The following PDCD7 variants were observed in gnomAD, a reference collection of about 807,000 sequenced individuals.
PDCD7 encodes the protein programmed cell death protein 7.
Under a neutral mutation model 42.1 loss-of-function variants are expected in PDCD7, and 40 were observed. The ratio of observed to expected loss-of-function variants is 0.95; its 90% CI spans 0.74 to 1.24. The LOEUF (loss-of-function observed/expected upper bound fraction) is 1.24, where lower values mean the gene tolerates loss of function less well. Among genes scored for constraint, PDCD7 ranks in the 50% most tolerant of loss-of-function variants. The pLI, the probability that PDCD7 is intolerant of heterozygous loss-of-function variation, is 0.00. For missense variants in PDCD7, 644 were observed against 662.8 expected (o/e 0.97, Z 0.31); for synonymous variants, 299 against 303.3 (o/e 0.99, Z 0.15).
chr15:65,132,891 A>G (rs771241959), intron 1 of PDCD7, 21 bp downstream of exon 1: 2 of 1,600,724 alleles, frequency 1.2e-6, no homozygotes, highest in Admixed American at 1.7e-5. Context: ...TCCTACCCCC[A>G]TGAGCGGCCG....
chr15:65,126,614 TGTG>T (rs2087498239), intron 2 of PDCD7, among the ~76,000 whole-genome samples: 1 of 152,134 alleles, frequency 6.6e-6, no homozygotes, highest in African/African-American at 2.4e-5. Context: ...ATTAGCCAGG[TGTG>T]GTGGTGTGCA....
rs2140576645 is a variant in PDCD7, at chr15:65,118,016, T to C, written c.*701A>G. On this transcript the variant is annotated 3_prime_UTR_variant, in exon 5 of 5. Coordinates refer to ENST00000204549, the MANE Select transcript of PDCD7 (RefSeq NM_005707.2). ...CCCTTAGAAACTTAAAAATAACAGG[T>C]GCTTTCATTAGGATCCTTCTAACAT... 6.6e-6 allele frequency: 1 copy of C among 152,282 alleles called. No homozygotes were observed. The highest frequency in any genetic ancestry group is 2.4e-5 in the African/African-American group (1 of 41,560). The allele number at this position is 152,282 out of a possible 1,614,324, so 9.4% of individuals were successfully genotyped here. A position where few individuals can be genotyped will look rare whatever the true frequency, so the allele number is the denominator to read the frequency against.
chr15:65,133,227 C>T lies in PDCD7; in HGVS notation c.555G>A (p.Val185=). ...CCTGGCTCAGGCCGCGCAGCCGCCG[C>T]ACCAGGCGCAGAGCCCGGAGCAATC... ...RARLLRALRL[V]RRLRGLSQAL... is the part of the protein sequence containing the mutation. The change falls in exon 1 of 5, where the codon GTG becomes GTA. Residue 185 remains valine (V), a synonymous_variant. Coordinates refer to ENST00000204549, the MANE Select transcript of PDCD7 (RefSeq NM_005707.2). The T allele has an allele frequency of 2.2e-6, 3 of 1,379,772 alleles. No individual in the cohort carries two copies. Among genetic ancestry groups the T allele is most frequent in the Non-Finnish European group, 2.8e-6 (3 of 1,076,332 alleles). The allele number at this position is 1,379,772 out of a possible 1,614,324, so 85.5% of individuals were successfully genotyped here.
Position 65,133,241 on chromosome 15 carries a change from C to G in PDCD7, c.541G>C (p.Ala181Pro). The change falls in exon 1 of 5, where the codon GCT (alanine) becomes CCT (proline). Residue 181 changes from alanine (A) to proline (P), a missense_variant. Physicochemically the swap from Ala to Pro is conservative, Grantham distance 27 (BLOSUM62 -1). Transcript: ENST00000204549. ...CGCAGCCGCCGCACCAGGCGCAGAGCCCGGAGCAATCGCGCGCGCACTTCG... is the reference window on the plus strand; with the variant it reads ...CGCAGCCGCCGCACCAGGCGCAGAGGCCGGAGCAATCGCGCGCGCACTTCG... ...LGEVRARLLR[A>P]LRLVRRLRGL... 1.1e-5 allele frequency: 15 copies of G among 1,366,076 alleles called. No homozygotes were observed. The highest frequency in any genetic ancestry group is 1.3e-5 in the Non-Finnish European group (14 of 1,068,264). 84.6% of individuals were successfully genotyped at this position (1,366,076 alleles called of 1,614,324 possible).
intron 1 of PDCD7, 106 bp downstream of exon 1, chr15:65,132,806 G>A (rs1037249586): frequency 1.3e-5 from 19 of 1,496,002 alleles, no homozygotes; most frequent in African/African-American, 1.1e-4. Context: ...TTCATTTTGC[G>A]CGTAAAACAG....
chr15:65,128,445 A>T (rs1411368527), intron 2 of PDCD7, among the ~76,000 whole-genome samples: 1 of 152,224 alleles, frequency 6.6e-6, no homozygotes, highest in African/African-American at 2.4e-5. Flanking sequence ...ACTTCTAGAA[A>T]GCCAGCATGG....
rs1262991730 is a variant in PDCD7, at chr15:65,133,299, C to A, written c.483G>T (p.Val161=). ...FGTPRRAGCP[V]PQRTHAGPSL... is the part of the protein sequence containing the mutation. ...TGGGCCCGGCATGCGTGCGCTGGGG[C>A]ACCGGACAGCCTGCCCGCCGCGGGG... The change falls in exon 1 of 5, where the codon GTG becomes GTT. Residue 161 remains valine, a synonymous_variant. Transcript: ENST00000204549. 4.6e-6 allele frequency: 6 copies of A among 1,308,076 alleles called. No homozygotes were observed. In the Admixed American group the frequency reaches 1.9e-4, roughly 42 times the overall value. The allele number at this position is 1,308,076 out of a possible 1,614,324, so 81.0% of individuals were successfully genotyped here. A position where few individuals can be genotyped will look rare whatever the true frequency, so the allele number is the denominator to read the frequency against.
intron 1 of PDCD7, 52 bp downstream of exon 1, chr15:65,132,860 C>G (rs1297897766): frequency 1.3e-6 from 2 of 1,591,070 alleles, no homozygotes; most frequent in Admixed American, 3.4e-5. Flanking sequence ...TCCTGCTGCT[C>G]CAGGTTCCAA....
At chr15:65,121,053 C>CTTT (rs767625477) in intron 2 of PDCD7, among the ~76,000 whole-genome samples, 9 of 130,146 alleles carry the variant, frequency 6.9e-5, no homozygotes, top group South Asian at 5.0e-4. Context: ...GACTTTCTTT[C>CTTT]TTTTTTTTTT....
At chr15:65,129,000 G>T in intron 2 of PDCD7, 32 bp downstream of exon 2, 2 of 1,612,600 alleles carry the variant, frequency 1.2e-6, no homozygotes, top group Non-Finnish European at 8.5e-7. Flanking sequence ...AAGGGGAAGG[G>T]AACAAGGAAA....
At chr15:65,124,446 GAAAGAA>G (rs931720390) in intron 2 of PDCD7, among the ~76,000 whole-genome samples, 7 of 151,034 alleles carry the variant, frequency 4.6e-5, no homozygotes, top group African/African-American at 1.7e-4. Context: ...AAGAAAGAAA[GAAAGAA>G]AAAGAAAAAG....
At position 65,133,373 on chromosome 15, in the gene PDCD7, C is replaced by A; in HGVS notation, c.409G>T (p.Ala137Ser). The A allele has an allele frequency of 4.1e-6, 5 of 1,216,246 alleles. No homozygotes were observed. Among genetic ancestry groups the A allele is most frequent in the Non-Finnish European group, 5.1e-6 (5 of 978,854 alleles). 75.3% of individuals were successfully genotyped at this position (1,216,246 alleles called of 1,614,324 possible). ...PPPADVLGDA[A>S]LQRLRDRQWL... ...TGCCGGTCGCGCAGGCGTTGGAGGG[C>A]CGCATCCCCGAGCACGTCGGCCGGC... The change falls in exon 1 of 5, where the codon GCC (alanine) becomes TCC (serine). Residue 137 changes from alanine to serine, a missense_variant. Transcript: ENST00000204549.
At chr15:65,122,964 G>A (rs1043716948) in intron 2 of PDCD7, among the ~76,000 whole-genome samples, 1 of 151,162 alleles carries the variant, frequency 6.6e-6, no homozygotes, top group Non-Finnish European at 1.5e-5. Context: ...ATCGCACCAC[G>A]GCACTCCAGC....
rs1349004392 is a variant in PDCD7 at position 65,119,717 on chromosome 15, C to T, written c.1246+1G>A. The T allele has an allele frequency of 2.5e-6, 4 of 1,609,490 alleles. No individual in the cohort carries two copies. The highest frequency in any genetic ancestry group is 1.1e-5 in the South Asian group (1 of 89,894). ...TCTCCACTGGTTATAGAGCAACATA[C>T]CTGGATCCCCAAACAACTTGGACTC... On this transcript the variant is annotated splice_donor_variant, in intron 3 of 4. Transcript: ENST00000204549. LOFTEE classifies it high-confidence loss of function.
intron 2 of PDCD7, among the ~76,000 whole-genome samples, chr15:65,122,028 A>C (rs2087458897): frequency 6.6e-6 from 1 of 152,126 alleles, no homozygotes; most frequent in South Asian, 2.1e-4. Flanking sequence ...ATGTTACCCA[A>C]GCATTTTAGC....
chr15:65,127,557 G>C (rs952852505), intron 2 of PDCD7, among the ~76,000 whole-genome samples: 1 of 152,072 alleles, frequency 6.6e-6, no homozygotes, highest in Admixed American at 6.5e-5. Flanking sequence ...TTTGCAACGT[G>C]GTCCTGCTTA....
intron 2 of PDCD7, among the ~76,000 whole-genome samples, chr15:65,122,774 C>T (rs781500819): frequency 2.0e-5 from 3 of 151,954 alleles, no homozygotes; most frequent in South Asian, 2.1e-4. Context: ...GAGGCTGAGA[C>T]GGGTGGATCA....
At chr15:65,123,844 T>C (rs1398800364) in intron 2 of PDCD7, among the ~76,000 whole-genome samples, 3 of 152,242 alleles carry the variant, frequency 2.0e-5, no homozygotes, top group Non-Finnish European at 2.9e-5. Context: ...ACAAAATTCT[T>C]ATACACTGAC....
At chr15:65,127,480 A>C (rs972408483) in intron 2 of PDCD7, among the ~76,000 whole-genome samples, 6 of 152,032 alleles carry the variant, frequency 3.9e-5, no homozygotes, top group African/African-American at 1.2e-4. Flanking sequence ...AAAAAAAAAA[A>C]AAAACTTTCA....
Sources: allele counts gnomAD v4.1 joint callset (sites outside exome capture counted in the v4.1 genomes callset), GRCh38; gene constraint gnomAD v4.1.1; transcripts MANE v1.5; gene names NCBI Gene and HGNC (gene_info 2026-07-23, HGNC 2026-07-21).